ACIN1: variants seen among roughly 807,000 people sequenced by gnomAD.
ACIN1 encodes the protein apoptotic chromatin condensation inducer in the nucleus.
ACIN1 carries 16 observed loss-of-function variants against 146.6 expected under a neutral mutation model. That is an observed-to-expected ratio of 0.11 (90% confidence interval 0.07 to 0.17). The LOEUF (loss-of-function observed/expected upper bound fraction) is 0.17, where lower values mean the gene tolerates loss of function less well. Ranked by LOEUF, ACIN1 falls within the 10% of genes least tolerant of loss-of-function variation. ACIN1 has a pLI of 1.00. For missense variants in ACIN1, 1,357 were observed against 1,609.3 expected (o/e 0.84, Z 2.68); for synonymous variants, 569 against 582.7 (o/e 0.98, Z 0.34).
intron 4 of ACIN1, among the ~76,000 whole-genome samples, chr14:23,083,794 A>T (rs537985846): frequency 1.1e-4 from 16 of 152,352 alleles, no homozygotes; most frequent in African/African-American, 3.8e-4. Flanking sequence ...CAGTTTAGAA[A>T]ATAGCAGGAA....
intron 10 of ACIN1, among the ~76,000 whole-genome samples, chr14:23,065,454 C>T (rs1332766582): frequency 6.6e-6 from 1 of 152,234 alleles, no homozygotes; most frequent in Admixed American, 6.5e-5. Context: ...GGCATGGTGG[C>T]GCATGCCTCT....
chr14:23,073,790 T>C (rs1280803301), intron 8 of ACIN1, among the ~76,000 whole-genome samples: 3 of 152,164 alleles, frequency 2.0e-5, no homozygotes, highest in African/African-American at 4.8e-5. Context: ...GCTGCTAATA[T>C]GCCTCTGCAG....
At chr14:23,071,427 G>A (rs769216872) in intron 8 of ACIN1, 56 of 1,551,524 alleles carry the variant, frequency 3.6e-5, no homozygotes, top group African/African-American at 4.1e-5. Context: ...AAGTCCTCAC[G>A]GCAAACCCCG....
chr14:23,069,768 C>A (rs1395351524), intron 8 of ACIN1, 151 bp from the exon 9 acceptor site: 1 of 700,952 alleles, frequency 1.4e-6, no homozygotes, highest in Non-Finnish European at 2.3e-6. Context: ...AGGTTAGAGA[C>A]CTTGTCCCAA....
At chr14:23,065,060 A>G (rs2047409900) in intron 10 of ACIN1, among the ~76,000 whole-genome samples, 1 of 152,156 alleles carries the variant, frequency 6.6e-6, no homozygotes, top group South Asian at 2.1e-4. Context: ...AAAAACTGAG[A>G]AGGACATGTA....
chr14:23,071,671 G>T, intron 8 of ACIN1: 3 of 1,062,140 alleles, frequency 2.8e-6, no homozygotes, highest in Non-Finnish European at 3.9e-6. Flanking sequence ...CCTTTGGCAG[G>T]CCACAGGGAG....
At chr14:23,086,392 C>A (rs2140208491) in intron 4 of ACIN1, among the ~76,000 whole-genome samples, 1 of 152,314 alleles carries the variant, frequency 6.6e-6, no homozygotes, top group Non-Finnish European at 1.5e-5. Flanking sequence ...TTTCTGTACA[C>A]ACAGTCATGA....
At chr14:23,094,558 A>G in intron 1 of ACIN1, 7 of 983,944 alleles carry the variant, frequency 7.1e-6, no homozygotes, top group Non-Finnish European at 8.4e-6. Flanking sequence ...ACCGATACCA[A>G]CCCCATCCAC....
chr14:23,060,468 A>G (rs1195692413), intron 18 of ACIN1, among the ~76,000 whole-genome samples: 1 of 152,134 alleles, frequency 6.6e-6, no homozygotes, highest in African/African-American at 2.4e-5. Flanking sequence ...AGGGAAATGA[A>G]TTTATAAAAC....
rs1250721645 is a variant in ACIN1, at chr14:23,081,723, ATGCTTTAGGAGGTATCTGAGT to A, written c.525+4_525+24del. ...TATCCAAAGCATTACTGAAGAGGTA[ATGCTTTAGGAGGTATCTGAGT>A]TACCTGTCTGACCCTAGATGATCGT... is the stretch of plus-strand genomic sequence containing the variant. On this transcript the variant is annotated splice_donor_5th_base_variant and intron_variant, in intron 5 of 18. Coordinates refer to ENST00000605057, the MANE Select transcript of ACIN1 (RefSeq NM_001386863.1). 1.3e-6 allele frequency: 2 copies of A among 1,567,154 alleles called. No homozygotes were observed. Among genetic ancestry groups the A allele is most frequent in the Non-Finnish European group, 1.7e-6 (2 of 1,148,210 alleles).
chr14:23,090,679 G>A (rs182924716), intron 2 of ACIN1, 46 bp from the exon 3 acceptor site: 2 of 1,464,522 alleles, frequency 1.4e-6, no homozygotes, highest in African/African-American at 1.4e-5. Context: ...AACAAACCAG[G>A]AGAATGCAAA....
In ACIN1 at chr14:23,067,179, C is replaced by CAAAT. The variant is rs915465529; in HGVS notation, c.2266-1175_2266-1172dup. On this transcript the variant is annotated intron_variant, in intron 9 of 18. Transcript: ENST00000605057. The surrounding 1 kb of genome is among the most constrained non-coding windows in gnomAD (Gnocchi z 4.6). ...TAATTAAAACAGGAAAAACATGAAC[C>CAAAT]AAATAAATAAATAAAAGAAATCAGA... 16 of 664,398 alleles carry CAAAT rather than the reference C, an allele frequency of 2.4e-5. No individual in the cohort carries two copies. The highest frequency in any genetic ancestry group is 2.8e-5 in the Non-Finnish European group (15 of 540,072). The allele number at this position is 664,398 out of a possible 1,614,324, so 41.2% of individuals were successfully genotyped here.
In ACIN1 at chr14:23,061,067, CGAA is replaced by C. The variant is rs766994427; in HGVS notation, c.3525+14_3525+16del. ...CTCAGTGCCACTAGGGAGCAGGGCA[CGAA>C]GAAGAGCACTCACCTGGCTGTCAGT... On this transcript the variant is annotated intron_variant, in intron 18 of 18. Coordinates refer to ENST00000605057, the MANE Select transcript of ACIN1 (RefSeq NM_001386863.1). 1.6e-5 allele frequency: 25 copies of C among 1,611,986 alleles called. No individual in the cohort carries two copies. Among genetic ancestry groups the C allele is most frequent in the African/African-American group, 2.7e-5 (2 of 74,848 alleles).
At chr14:23,060,450 T>TA (rs1210131641) in intron 18 of ACIN1, among the ~76,000 whole-genome samples, 2 of 151,986 alleles carry the variant, frequency 1.3e-5, no homozygotes, top group African/African-American at 4.8e-5. Flanking sequence ...CAAAAACTCT[T>TA]AAAAAGCAGG....
At chr14:23,095,152 C>T (rs1438108185), upstream of ACIN1, 1 of 1,614,252 alleles carries the variant, frequency 6.2e-7, no homozygotes, top group Non-Finnish European at 8.5e-7. Flanking sequence ...CGGCTTCGGG[C>T]ATCTTCGGTA....
At chr14:23,063,992 C>CCT (rs2047373094) in intron 12 of ACIN1, 113 bp downstream of exon 12, 1 of 1,440,710 alleles carries the variant, frequency 6.9e-7, no homozygotes. Context: ...TCAACCCAAC[C>CCT]CTCTGCACAG....
rs766747528 is a variant in ACIN1 at position 23,069,511 on chromosome 14, G to T, written c.2230C>A (p.Pro744Thr). 2.5e-6 allele frequency: 4 copies of T among 1,614,078 alleles called. No individual in the cohort carries two copies. ...IADQVSNDDR[P>T]EGSVEDEEKK... Reference sequence around the variant, plus strand: ...TCCTCATCTTCAACACTGCCCTCCGGGCGGTCATCATTGCTGACTTGGTCT... The same window carrying T: ...TCCTCATCTTCAACACTGCCCTCCGTGCGGTCATCATTGCTGACTTGGTCT... Residue 744 changes from proline to threonine, a missense_variant, in exon 9 of 19, where the codon CCG (proline) becomes ACG (threonine). By Grantham distance (38) the Pro-to-Thr change is conservative (BLOSUM62 -1). Coordinates refer to ENST00000605057, the MANE Select transcript of ACIN1 (RefSeq NM_001386863.1).
chr14:23,090,500 A>G, intron 3 of ACIN1, 22 bp downstream of exon 3: 1 of 1,607,320 alleles, frequency 6.2e-7, no homozygotes. Flanking sequence ...ACTCCTTGTT[A>G]AAAGTGACAA....
Position 23,064,271 on chromosome 14 carries a change from A to AC in ACIN1, c.2443-15dup, listed in dbSNP as rs760092837. ...GGGGATGAGGCTCTGGGACACAGAT[A>AC]CCCCCCACCCCGTTACACTGGGCCC... On this transcript the variant is annotated splice_polypyrimidine_tract_variant and intron_variant, in intron 11 of 18. Coordinates refer to ENST00000605057, the MANE Select transcript of ACIN1 (RefSeq NM_001386863.1). 1.5e-5 allele frequency: 24 copies of AC among 1,613,496 alleles called. No individual in the cohort carries two copies. Among genetic ancestry groups the AC allele is most frequent in the Non-Finnish European group, 1.8e-5 (21 of 1,179,954 alleles).
Sources: gnomAD v4.1 joint callset for allele counts (sites outside exome capture counted in the v4.1 genomes callset) on GRCh38, gnomAD v4.1.1 for gene constraint, Gnocchi (gnomAD v3.1) non-coding constraint, MANE v1.5 for transcripts, NCBI Gene and HGNC (gene_info 2026-07-23, HGNC 2026-07-21) for gene names.